The following MGAT5 variants were observed in gnomAD, a reference collection of about 807,000 sequenced individuals.
MGAT5 encodes the protein alpha-1,6-mannosylglycoprotein 6-beta-N-acetylglucosaminyltransferase A.
A neutral mutation model predicts 94.3 loss-of-function variants in MGAT5; 30 were observed. That is an observed-to-expected ratio of 0.32 (90% CI 0.24 to 0.43). MGAT5 has a LOEUF of 0.43. Among genes scored for constraint, MGAT5 ranks in the 20% least tolerant of loss-of-function variants. The pLI is 1.00. For missense variants in MGAT5, 691 were observed against 905.5 expected (o/e 0.76, Z 3.04); for synonymous variants, 310 against 322.9 (o/e 0.96, Z 0.43).
intron 10 of MGAT5, among the ~76,000 whole-genome samples, chr2:134,364,283 T>G (rs1019717747): frequency 3.3e-5 from 5 of 152,202 alleles, no homozygotes; most frequent in African/African-American, 1.2e-4. Flanking sequence ...GTGGATCACC[T>G]GAGGTCAGGA....
intron 2 of MGAT5, among the ~76,000 whole-genome samples, chr2:134,306,078 A>G (rs1327632025): frequency 6.6e-6 from 1 of 152,176 alleles, no homozygotes; most frequent in Non-Finnish European, 1.5e-5. Flanking sequence ...GTTTTGATGT[A>G]TAAAACTAGC....
intron 1 of MGAT5, among the ~76,000 whole-genome samples, chr2:134,229,692 A>C (rs916918667): frequency 2.0e-5 from 3 of 152,212 alleles, no homozygotes; most frequent in African/African-American, 7.2e-5. Flanking sequence ...TAAAAAGAAA[A>C]AGTATCACTA....
At chr2:134,416,546 A>G (rs1411629449) in intron 12 of MGAT5, among the ~76,000 whole-genome samples, 1 of 149,194 alleles carries the variant, frequency 6.7e-6, no homozygotes, top group Non-Finnish European at 1.5e-5. Flanking sequence ...ATCATGGCTC[A>G]CTGCAGTCTC....
At chr2:134,353,102 C>G (rs1359021140) in intron 9 of MGAT5, among the ~76,000 whole-genome samples, 2 of 152,126 alleles carry the variant, frequency 1.3e-5, no homozygotes. Flanking sequence ...TGAAAAAGTT[C>G]TGAAGATCTC....
chr2:134,135,297 G>A (rs979051090), intron 1 of MGAT5, among the ~76,000 whole-genome samples: 3 of 152,102 alleles, frequency 2.0e-5, no homozygotes, highest in Non-Finnish European at 4.4e-5. Context: ...GGGACTGATA[G>A]GGTTTAGAAC....
upstream of MGAT5, among the ~76,000 whole-genome samples, chr2:134,253,681 C>G (rs989264753): frequency 6.6e-6 from 1 of 152,158 alleles, no homozygotes; most frequent in Non-Finnish European, 1.5e-5. Flanking sequence ...GCTGGTGCAC[C>G]TAGAGAGGTT....
chr2:134,449,122 C>A lies in MGAT5; in HGVS notation c.*275C>A. ...CAAGGAGCAACTGTGGGAAGACTGTCACTGCAGCTGCTCCAGGGCAAAAGA... is the reference window on the plus strand; with the variant it reads ...CAAGGAGCAACTGTGGGAAGACTGTAACTGCAGCTGCTCCAGGGCAAAAGA... On this transcript the variant is annotated 3_prime_UTR_variant, in exon 16 of 16. Transcript: ENST00000281923. The A allele has an allele frequency of 2.1e-6, 1 of 483,752 alleles. No homozygotes were observed. The highest frequency in any genetic ancestry group is 3.7e-5 in the East Asian group (1 of 26,694). 30.0% of individuals were successfully genotyped at this position (483,752 alleles called of 1,614,324 possible).
chr2:134,233,592 A>G (rs1423001176), intron 1 of MGAT5, among the ~76,000 whole-genome samples: 3 of 152,184 alleles, frequency 2.0e-5, no homozygotes, highest in Non-Finnish European at 4.4e-5. Flanking sequence ...GCAAAGGCAG[A>G]TCTTAATGTA....
chr2:134,300,266 G>T (rs1198817929), intron 2 of MGAT5, among the ~76,000 whole-genome samples: 1 of 152,134 alleles, frequency 6.6e-6, no homozygotes, highest in Non-Finnish European at 1.5e-5. Flanking sequence ...GTAAGACAGA[G>T]CCAGGTCCTG....
intron 4 of MGAT5, among the ~76,000 whole-genome samples, chr2:134,322,357 T>C (rs1687383810): frequency 6.6e-6 from 1 of 152,208 alleles, no homozygotes; most frequent in African/African-American, 2.4e-5. Context: ...GCTGTTTCCC[T>C]TAATGCCTAT....
chr2:134,145,138 C>A (rs1012961455), intron 1 of MGAT5, among the ~76,000 whole-genome samples: 1 of 151,796 alleles, frequency 6.6e-6, no homozygotes, highest in Non-Finnish European at 1.5e-5. Context: ...TCTCTGACTT[C>A]TTGGATATGC....
chr2:134,273,307 GACCC>G lies in MGAT5; in HGVS notation c.406+2758_406+2761del, dbSNP rs982551534. Among the ~76,000 whole-genome samples the G allele has an allele frequency of 6.6e-5, 10 of 152,260 alleles. No homozygotes were observed. The East Asian group carries it at 9.7e-4, about 15-fold the overall frequency. On this transcript the variant is annotated intron_variant, in intron 2 of 15. Coordinates refer to ENST00000281923, the MANE Select transcript of MGAT5 (RefSeq NM_002410.5). ...ATCCATAACCATGCTGATGTCTTCA[GACCC>G]CTCTGTCAACCCAAGAATGGCTCCT...
chr2:134,130,256 CG>C (rs1558947590), intron 1 of MGAT5, among the ~76,000 whole-genome samples: 11 of 150,888 alleles, frequency 7.3e-5, no homozygotes, highest in East Asian at 5.9e-4. Context: ...CGCCCCACAC[CG>C]CCCCACACCG....
At chr2:134,375,464 C>T (rs749673819) in intron 10 of MGAT5, among the ~76,000 whole-genome samples, 6 of 152,122 alleles carry the variant, frequency 3.9e-5, no homozygotes, top group South Asian at 4.1e-4. Context: ...GTAGTGAAAC[C>T]GAAATGGGCT....
chr2:134,283,237 C>A (rs1319456877), intron 2 of MGAT5, among the ~76,000 whole-genome samples: 2 of 152,112 alleles, frequency 1.3e-5, no homozygotes, highest in Non-Finnish European at 2.9e-5. Flanking sequence ...GTTCTCTCAT[C>A]TGTACAGCAG....
chr2:134,152,419 C>T (rs560157946), intron 1 of MGAT5, among the ~76,000 whole-genome samples: 48 of 137,566 alleles, frequency 3.5e-4, no homozygotes, highest in African/African-American at 1.2e-3. Flanking sequence ...ACCCGCCCAC[C>T]GCCATGGGAC....
chr2:134,271,827 C>T (rs1302497052), intron 2 of MGAT5, among the ~76,000 whole-genome samples: 1 of 152,162 alleles, frequency 6.6e-6, no homozygotes, highest in Non-Finnish European at 1.5e-5. Flanking sequence ...ACAAGAGAAC[C>T]TCCCACTGTG....
chr2:134,225,936 C>G (rs945075383), intron 1 of MGAT5, among the ~76,000 whole-genome samples: 1 of 152,190 alleles, frequency 6.6e-6, no homozygotes, highest in South Asian at 2.1e-4. Context: ...CTTTTGACCT[C>G]TTCTGGGAGC....
intron 1 of MGAT5, among the ~76,000 whole-genome samples, chr2:134,142,448 A>C (rs1233161028): frequency 1.3e-5 from 2 of 152,242 alleles, no homozygotes; most frequent in African/African-American, 4.8e-5. Context: ...TGGAGCCCTC[A>C]CAGTGTGCTG....
Sources: allele counts gnomAD v4.1 joint callset (sites outside exome capture counted in the v4.1 genomes callset), GRCh38; gene constraint gnomAD v4.1.1; transcripts MANE v1.5; gene names NCBI Gene and HGNC (gene_info 2026-07-23, HGNC 2026-07-21).